The following LMO7 variants were observed in gnomAD, a reference collection of about 807,000 sequenced individuals.
The protein encoded by LMO7 is LIM domain 7, also known as LIM domain only protein 7.
In LMO7, 120 loss-of-function variants were observed where a neutral mutation model predicts 206.5. The observed-to-expected ratio is 0.58, with a 90% CI of 0.50 to 0.68. The LOEUF (loss-of-function observed/expected upper bound fraction) is 0.68. Ranked by LOEUF, LMO7 falls within the 30% of genes least tolerant of loss-of-function variation. The probability of loss-of-function intolerance (pLI) is 0.00; values close to 1 mark genes in which losing one functional copy is unlikely to be tolerated. For missense variants in LMO7, 1,959 were observed against 1,957.9 expected, an observed-to-expected ratio of 1.00 and a Z score of -0.01; for synonymous variants, 706 against 681.5, an observed-to-expected ratio of 1.04 and a Z score of -0.56.
intron 9 of LMO7, chr13:75,806,205 A>T: frequency 5.0e-6 from 5 of 992,978 alleles, no homozygotes; most frequent in Non-Finnish European, 6.0e-6. Flanking sequence ...AACGGGCTGT[A>T]AAATCACCGG....
At position 75,732,896 on chromosome 13, in the gene LMO7, C is replaced by G. The variant is rs1317181798; in HGVS notation, c.210+5798C>G. On this transcript the variant is annotated intron_variant, in intron 3 of 30. Coordinates refer to ENST00000377534, the MANE Select transcript of LMO7 (RefSeq NM_001306080.2). Reference sequence around the variant, plus strand: ...AGTTTGCTAGAGGTCCACTCCAGACCCTGTTTGCCTGGGTATCAGCAGCGG... The same window carrying G: ...AGTTTGCTAGAGGTCCACTCCAGACGCTGTTTGCCTGGGTATCAGCAGCGG... Among the ~76,000 whole-genome samples the G allele has an allele frequency of 4.6e-5, 7 of 152,142 alleles. No homozygotes were observed. In the South Asian group the frequency reaches 1.0e-3, roughly 23 times the overall value.
rs535615164 is a variant in LMO7 at position 75,849,487 on chromosome 13, GT to G, written c.4364+207del. Among the ~76,000 whole-genome samples, 784 of 142,018 alleles carry G rather than the reference GT, an allele frequency of 5.5e-3. 8 individuals carry two copies. Among genetic ancestry groups the G allele is most frequent in the African/African-American group, 0.016 (634 of 38,524 alleles). 93.2% of individuals were successfully genotyped at this position (142,018 alleles called of 152,430 possible). A position where few individuals can be genotyped will look rare whatever the true frequency, so the allele number is the denominator to read the frequency against. On this transcript the variant is annotated intron_variant, in intron 27 of 30. Coordinates refer to ENST00000377534, the MANE Select transcript of LMO7 (RefSeq NM_001306080.2). ...TGAGGTAGGGATAATAATTCTGGCT[GT>G]TTTTTTTTTTTCTTTTTTTTTTACT...
At chr13:75,805,878 G>T in intron 9 of LMO7, 118 bp downstream of exon 9, 2 of 1,184,354 alleles carry the variant, frequency 1.7e-6, no homozygotes, top group South Asian at 1.5e-5. Context: ...TAGTTCTCTA[G>T]TATCTGCGGA....
At chr13:75,848,172 G>T (rs1186863256) in intron 26 of LMO7, among the ~76,000 whole-genome samples, 1 of 152,116 alleles carries the variant, frequency 6.6e-6, no homozygotes, top group Non-Finnish European at 1.5e-5. Context: ...CTCTCGAGAA[G>T]TATACACTGA....
chr13:75,704,766 A>G (rs1192877377), intron 1 of LMO7, among the ~76,000 whole-genome samples: 1 of 152,220 alleles, frequency 6.6e-6, no homozygotes, highest in African/African-American at 2.4e-5. Flanking sequence ...ACTGGAACTG[A>G]GCGATAGAGC....
intron 4 of LMO7, among the ~76,000 whole-genome samples, chr13:75,773,571 A>C (rs1390520934): frequency 6.6e-6 from 1 of 152,132 alleles, no homozygotes; most frequent in Admixed American, 6.5e-5. Flanking sequence ...ACAGATGCTA[A>C]AGATGTTTGG....
At chr13:75,736,406 T>A (rs1324201012) in intron 3 of LMO7, among the ~76,000 whole-genome samples, 2 of 152,204 alleles carry the variant, frequency 1.3e-5, no homozygotes, top group Non-Finnish European at 2.9e-5. Flanking sequence ...ATTCCAAGTA[T>A]GAATTAGGGC....
At chr13:75,637,947 G>A (rs2036129813) in intron 1 of LMO7, among the ~76,000 whole-genome samples, 1 of 152,192 alleles carries the variant, frequency 6.6e-6, no homozygotes, top group Non-Finnish European at 1.5e-5. Context: ...ATGGGAAGTT[G>A]AGAGAAGAAT....
chr13:75,717,953 C>T (rs970748030), intron 2 of LMO7, among the ~76,000 whole-genome samples: 1 of 152,202 alleles, frequency 6.6e-6, no homozygotes, highest in African/African-American at 2.4e-5. Flanking sequence ...TTAGTGAAAA[C>T]TGTTTTTCTT....
chr13:75,805,941 T>A, intron 9 of LMO7, 181 bp downstream of exon 9: 1 of 1,125,500 alleles, frequency 8.9e-7, no homozygotes, highest in Non-Finnish European at 1.2e-6. Context: ...AGGATCTAGA[T>A]CTTAAAAAGC....
intron 1 of LMO7, among the ~76,000 whole-genome samples, chr13:75,677,372 G>A (rs2040099225): frequency 6.6e-6 from 1 of 152,140 alleles, no homozygotes; most frequent in East Asian, 1.9e-4. Flanking sequence ...ATATATTGCT[G>A]TTTATAAGCT....
intron 29 of LMO7, 138 bp from the exon 30 acceptor site, chr13:75,856,368 C>G: frequency 3.4e-6 from 2 of 587,566 alleles, no homozygotes; most frequent in East Asian, 5.6e-5. Flanking sequence ...AATCATCTTT[C>G]GGCCTTTTTT....
intron 3 of LMO7, among the ~76,000 whole-genome samples, chr13:75,733,925 C>T (rs2045543173): frequency 1.3e-5 from 2 of 152,230 alleles, no homozygotes; most frequent in South Asian, 2.1e-4. Flanking sequence ...TTGCTGGCTA[C>T]CACAATGGTG....
chr13:75,733,582 G>A (rs1287626614), intron 3 of LMO7, among the ~76,000 whole-genome samples: 1 of 152,178 alleles, frequency 6.6e-6, no homozygotes, highest in Non-Finnish European at 1.5e-5. Context: ...CGCTTCCCGA[G>A]TGAGGCAATG....
chr13:75,687,080 C>T (rs1226146098), intron 1 of LMO7, among the ~76,000 whole-genome samples: 1 of 152,160 alleles, frequency 6.6e-6, no homozygotes, highest in Non-Finnish European at 1.5e-5. Flanking sequence ...CAGTGCATTG[C>T]ATCCATCCTG....
At chr13:75,782,396 T>G (rs930425623) in intron 4 of LMO7, among the ~76,000 whole-genome samples, 1 of 152,234 alleles carries the variant, frequency 6.6e-6, no homozygotes, top group Non-Finnish European at 1.5e-5. Context: ...AGGTGACTTC[T>G]GGAAAATTGC....
intron 2 of LMO7, among the ~76,000 whole-genome samples, chr13:75,630,980 T>C (rs1298258639): frequency 2.0e-5 from 3 of 149,880 alleles, no homozygotes; most frequent in African/African-American, 4.9e-5. Context: ...TTGCAATATA[T>C]TTTAACTCTT....
At chr13:75,635,044 C>A (rs2035598478), upstream of LMO7, among the ~76,000 whole-genome samples, 1 of 150,118 alleles carries the variant, frequency 6.7e-6, no homozygotes, top group African/African-American at 2.4e-5. Context: ...AAAACAAAAA[C>A]AAACAGAAAG....
chr13:75,825,720 C>T (rs2058057685), intron 15 of LMO7, among the ~76,000 whole-genome samples: 1 of 152,092 alleles, frequency 6.6e-6, no homozygotes, highest in African/African-American at 2.4e-5. Flanking sequence ...ATCCCCTTGC[C>T]TTTGTCTCAG....
Sources: allele counts gnomAD v4.1 joint callset (sites outside exome capture counted in the v4.1 genomes callset), GRCh38; gene constraint gnomAD v4.1.1; transcripts MANE v1.5; gene names NCBI Gene and HGNC (gene_info 2026-07-23, HGNC 2026-07-21).